The following CAB39 variants were observed in gnomAD, a reference collection of about 807,000 sequenced individuals.
CAB39 encodes calcium-binding protein 39.
CAB39 carries 8 observed loss-of-function variants against 40.0 expected under a neutral mutation model. The ratio of observed to expected loss-of-function variants is 0.20; its 90% confidence interval spans 0.12 to 0.36. CAB39 has a LOEUF of 0.36. Among genes scored for constraint, CAB39 ranks in the 10% least tolerant of loss-of-function variants. The pLI is 1.00. For synonymous variants in CAB39, 156 were observed against 141.6 expected (o/e 1.10, Z -0.72); for missense variants, 270 against 401.1 (o/e 0.67, Z 2.79).
chr2:230,724,242 C>T (rs113540278), intron 1 of CAB39, among the ~76,000 whole-genome samples: 1 of 128,982 alleles, frequency 7.8e-6, no homozygotes, highest in Non-Finnish European at 1.5e-5. Context: ...CCAAGACTGT[C>T]TCAAAAAAAA....
At chr2:230,760,441 C>G (rs1695269154) in intron 2 of CAB39, among the ~76,000 whole-genome samples, 1 of 152,130 alleles carries the variant, frequency 6.6e-6, no homozygotes, top group South Asian at 2.1e-4. Flanking sequence ...TAGTCTCAAA[C>G]GCCAAGCCTC....
intron 1 of CAB39, among the ~76,000 whole-genome samples, chr2:230,729,756 AAAGTT>A (rs1256280294): frequency 1.3e-5 from 2 of 152,152 alleles, no homozygotes; most frequent in African/African-American, 2.4e-5. Context: ...AAAAAAAAAA[AAAGTT>A]TAGTAAGATG....
At position 230,810,289 on chromosome 2, in the gene CAB39, C is replaced by T; in HGVS notation, c.594C>T (p.Leu198=). The part of the protein sequence containing the change: ...FKDLLTRHKL[L]SAEFLEQHYD... ...ATTTACTTACAAGACATAAATTGCT[C>T]AGTGCAGAATTTTTGGAACAGCATT... The change falls in exon 6 of 9, where the codon CTC becomes CTT. Residue 198 remains leucine (L), a synonymous_variant. Transcript: ENST00000258418. 1 of 1,443,580 alleles carries T rather than the reference C, an allele frequency of 6.9e-7. No homozygotes were observed. The highest frequency in any genetic ancestry group is 2.4e-5 in the East Asian group (1 of 41,840). The allele number at this position is 1,443,580 out of a possible 1,614,324, so 89.4% of individuals were successfully genotyped here. A position where few individuals can be genotyped will look rare whatever the true frequency, so the allele number is the denominator to read the frequency against.
chr2:230,741,500 A>C (rs1694876395), intron 1 of CAB39, among the ~76,000 whole-genome samples: 1 of 152,004 alleles, frequency 6.6e-6, no homozygotes, highest in Admixed American at 6.6e-5. Flanking sequence ...TAGGAATGGG[A>C]ATTTATTTTC....
intron 2 of CAB39, among the ~76,000 whole-genome samples, chr2:230,760,998 A>C (rs559932805): frequency 6.6e-6 from 1 of 151,626 alleles, no homozygotes; most frequent in African/African-American, 2.4e-5. Context: ...CTCTAAGTAA[A>C]TTGTAGAGGT....
At chr2:230,761,570 A>AGTAC (rs1695291772) in intron 2 of CAB39, among the ~76,000 whole-genome samples, 1 of 152,220 alleles carries the variant, frequency 6.6e-6, no homozygotes, top group Admixed American at 6.5e-5. Flanking sequence ...ACTTCAGTGT[A>AGTAC]GTACGGATGC....
chr2:230,752,291 TA>T (rs1490264039), intron 1 of CAB39: 1 of 152,032 alleles, frequency 6.6e-6, no homozygotes, highest in African/African-American at 2.4e-5. Flanking sequence ...GTCCCAATCA[TA>T]GACAACCAGA....
chr2:230,741,657 A>G (rs775050029), intron 1 of CAB39, among the ~76,000 whole-genome samples: 3 of 152,294 alleles, frequency 2.0e-5, no homozygotes, highest in South Asian at 4.1e-4. Flanking sequence ...ATTTGATCAC[A>G]TCGTAAGTTG....
intron 1 of CAB39, among the ~76,000 whole-genome samples, chr2:230,743,224 A>G (rs778149715): frequency 4.6e-5 from 7 of 152,042 alleles, no homozygotes; most frequent in Non-Finnish European, 7.3e-5. Context: ...CACTCACTCT[A>G]TATGACTTCC....
intron 3 of CAB39, among the ~76,000 whole-genome samples, chr2:230,792,029 G>T (rs776984361): frequency 6.6e-6 from 1 of 152,120 alleles, no homozygotes; most frequent in Non-Finnish European, 1.5e-5. Context: ...AATGACAGAC[G>T]TATAGCCAGA....
In CAB39 at chr2:230,793,264, G is replaced by C; in HGVS notation, c.331G>C (p.Gly111Arg). 1 of 1,612,608 alleles carries C rather than the reference G, an allele frequency of 6.2e-7. No homozygotes were observed. The highest frequency in any genetic ancestry group is 8.5e-7 in the Non-Finnish European group (1 of 1,179,148). Residue 111 changes from glycine to arginine, a missense_variant, in exon 4 of 9, where the codon GGT (glycine) becomes CGT (arginine). Physicochemically the swap from Gly to Arg is moderately radical, Grantham distance 125. Coordinates refer to ENST00000258418, the MANE Select transcript of CAB39 (RefSeq NM_016289.4). ...IFNNILRRQIGTRTPTVEYIC... is the reference protein window; with the variant it reads ...IFNNILRRQIRTRTPTVEYIC... ...CAACAATATTCTCAGAAGACAAATT[G>C]GTACGAGAACTCCTACTGTTGAATA...
intron 1 of CAB39, among the ~76,000 whole-genome samples, chr2:230,737,707 T>C (rs886292711): frequency 1.3e-5 from 2 of 152,228 alleles, no homozygotes; most frequent in Non-Finnish European, 2.9e-5. Context: ...TGTAAGTAAA[T>C]GTATCCATTG....
chr2:230,721,653 A>G lies in CAB39; in HGVS notation c.-44+8423A>G, dbSNP rs149859789. Among the ~76,000 whole-genome samples the G allele has an allele frequency of 5.6e-4, 85 of 152,282 alleles. 1 individual carries two copies. In the East Asian group the frequency reaches 0.016, roughly 28 times the overall value. On this transcript the variant is annotated intron_variant, in intron 1 of 8. Transcript: ENST00000258418. ...TTTGTAGACTGCCAGTCTTAGAGAG[A>G]TTAGTTGTTTGTAGGAGAGGTTCCA... is the stretch of plus-strand genomic sequence containing the variant.
At position 230,730,127 on chromosome 2, in the gene CAB39, T is replaced by C. The variant is rs536562636; in HGVS notation, c.-44+16897T>C. 3.3e-5 allele frequency among the ~76,000 whole-genome samples: 5 copies of C among 152,270 alleles called. No individual in the cohort carries two copies. The East Asian group carries it at 9.6e-4, about 29-fold the overall frequency. Reference sequence around the variant, plus strand: ...TAGAAAAAAATTTTTTCTTATAATTTTAGACAGAATCTTGCCCTGTCACCC... The same window carrying C: ...TAGAAAAAAATTTTTTCTTATAATTCTAGACAGAATCTTGCCCTGTCACCC... On this transcript the variant is annotated intron_variant, in intron 1 of 8. Transcript: ENST00000258418.
intron 6 of CAB39, among the ~76,000 whole-genome samples, chr2:230,811,492 A>G (rs549863299): frequency 2.6e-5 from 4 of 152,290 alleles, no homozygotes; most frequent in African/African-American, 9.6e-5. Context: ...TTAAAATGGC[A>G]GTTCTGTCAT....
intron 2 of CAB39, among the ~76,000 whole-genome samples, chr2:230,761,015 T>G (rs1695280474): frequency 6.6e-6 from 1 of 152,184 alleles, no homozygotes; most frequent in African/African-American, 2.4e-5. Context: ...AGGTTTAGTG[T>G]CACTTATCCA....
chr2:230,814,433 C>T lies in CAB39; in HGVS notation c.693+319C>T, dbSNP rs970071642. Among the ~76,000 whole-genome samples the T allele has an allele frequency of 2.0e-5, 3 of 152,114 alleles. No individual in the cohort carries two copies. In the East Asian group the frequency reaches 5.8e-4, roughly 29 times the overall value. On this transcript the variant is annotated intron_variant, in intron 7 of 8. Transcript: ENST00000258418. Reference sequence around the variant, plus strand: ...ATGAAGGCACTCCAGGTGCTGTGCTCCTGGGCTGTGGCCTGGGTGGCACAG... The same window carrying T: ...ATGAAGGCACTCCAGGTGCTGTGCTTCTGGGCTGTGGCCTGGGTGGCACAG...
intron 6 of CAB39, among the ~76,000 whole-genome samples, chr2:230,811,678 C>G (rs990923525): frequency 2.6e-4 from 40 of 152,218 alleles, no homozygotes; most frequent in African/African-American, 9.4e-4. Context: ...TAGTACCTGT[C>G]TACTGGGATC....
intron 4 of CAB39, among the ~76,000 whole-genome samples, chr2:230,797,052 G>T (rs536086204): frequency 6.6e-6 from 1 of 152,312 alleles, no homozygotes; most frequent in African/African-American, 2.4e-5. Flanking sequence ...TCCCAAGCTG[G>T]AAATGCTGTT....
Sources: allele counts gnomAD v4.1 joint callset (sites outside exome capture counted in the v4.1 genomes callset), GRCh38; gene constraint gnomAD v4.1.1; transcripts MANE v1.5; gene names NCBI Gene and HGNC (gene_info 2026-07-23, HGNC 2026-07-21).